The following LRIG1 variants were observed in gnomAD, a reference collection of about 807,000 sequenced individuals.
The protein encoded by LRIG1 is leucine rich repeats and immunoglobulin like domains 1, also known as leucine-rich repeats and immunoglobulin-like domains protein 1.
Under a neutral mutation model 99.2 loss-of-function variants are expected in LRIG1, and 48 were observed. That is an observed-to-expected ratio of 0.48 (90% CI 0.38 to 0.62). LRIG1 has a LOEUF of 0.62. LRIG1 is among the 20% of genes least tolerant of loss of function. The pLI is 0.00. For missense variants in LRIG1, 1,646 were observed against 1,434.4 expected, an observed-to-expected ratio of 1.15 and a Z score of -2.38; for synonymous variants, 772 against 596.1, an observed-to-expected ratio of 1.29 and a Z score of -4.30.
intron 13 of LRIG1, among the ~76,000 whole-genome samples, chr3:66,384,845 T>C (rs1701288248): frequency 6.6e-6 from 1 of 152,042 alleles, no homozygotes; most frequent in Non-Finnish European, 1.5e-5. Context: ...CCTGACAGAG[T>C]GGGACGCATC....
chr3:66,401,969 T>G (rs1222765284), intron 9 of LRIG1, among the ~76,000 whole-genome samples: 11 of 152,128 alleles, frequency 7.2e-5, no homozygotes, highest in Non-Finnish European at 5.9e-5. Context: ...CCGCGACATG[T>G]GCACTAGCCC....
At chr3:66,414,529 G>C (rs528511736) in intron 5 of LRIG1, among the ~76,000 whole-genome samples, 64 of 152,264 alleles carry the variant, frequency 4.2e-4, no homozygotes, top group African/African-American at 1.5e-3. Context: ...AACTGTTCAA[G>C]AAGTGTCGGA....
intron 1 of LRIG1, among the ~76,000 whole-genome samples, chr3:66,483,157 C>A (rs1416139578): frequency 6.6e-6 from 1 of 152,080 alleles, no homozygotes; most frequent in African/African-American, 2.4e-5. Flanking sequence ...TCCAAGATCT[C>A]GATAGCCATT....
rs373633320 is a variant in LRIG1 at position 66,383,446 on chromosome 3, T to C, written c.2072-45A>G. ...ATCTTAGTCATTCTCAGGGCCTCCG[T>C]TGCTCTGGCTCTGCCCGGTCTTCTG... On this transcript the variant is annotated intron_variant, in intron 14 of 18. Transcript: ENST00000273261. 98 of 1,483,522 alleles carry C rather than the reference T, an allele frequency of 6.6e-5. No individual in the cohort carries two copies. In the African/African-American group the frequency reaches 1.3e-3, roughly 20 times the overall value. The allele number at this position is 1,483,522 out of a possible 1,614,324, so 91.9% of individuals were successfully genotyped here.
chr3:66,383,777 A>G (rs1701225059), intron 14 of LRIG1, among the ~76,000 whole-genome samples: 1 of 152,164 alleles, frequency 6.6e-6, no homozygotes. Context: ...GCTAAACCCT[A>G]TGAAGACTCT....
chr3:66,458,478 A>C (rs1185172852), intron 2 of LRIG1, among the ~76,000 whole-genome samples: 2 of 151,884 alleles, frequency 1.3e-5, no homozygotes, highest in African/African-American at 2.4e-5. Context: ...CAAGGCAGGC[A>C]GATCACATGA....
At chr3:66,494,120 G>A (rs544120508) in intron 1 of LRIG1, among the ~76,000 whole-genome samples, 18 of 152,236 alleles carry the variant, frequency 1.2e-4, no homozygotes, top group Admixed American at 8.5e-4. Context: ...TTGTGCTCCA[G>A]AATCATCATA....
chr3:66,413,875 C>A (rs762078959), intron 5 of LRIG1, among the ~76,000 whole-genome samples: 20 of 152,178 alleles, frequency 1.3e-4, no homozygotes, highest in Non-Finnish European at 2.4e-4. Flanking sequence ...TGCCGCCAAC[C>A]TGGCCCTCGA....
At chr3:66,434,950 G>T (rs1215135169) in intron 3 of LRIG1, among the ~76,000 whole-genome samples, 1 of 152,046 alleles carries the variant, frequency 6.6e-6, no homozygotes, top group Non-Finnish European at 1.5e-5. Flanking sequence ...CCAGAGAAGT[G>T]AAAATTTATG....
chr3:66,448,934 A>G (rs1051394737), intron 3 of LRIG1, among the ~76,000 whole-genome samples: 1 of 152,200 alleles, frequency 6.6e-6, no homozygotes, highest in Non-Finnish European at 1.5e-5. Flanking sequence ...TGCCTACTAA[A>G]TATTTACAGA....
At chr3:66,402,438 GA>G (rs1353726750) in intron 9 of LRIG1, among the ~76,000 whole-genome samples, 3 of 152,176 alleles carry the variant, frequency 2.0e-5, no homozygotes, top group Non-Finnish European at 4.4e-5. Flanking sequence ...GCGTAAGCTG[GA>G]AAAATTAAGG....
chr3:66,472,490 C>G (rs1274733412), intron 1 of LRIG1, among the ~76,000 whole-genome samples: 6 of 152,132 alleles, frequency 3.9e-5, no homozygotes, highest in Admixed American at 1.3e-4. Context: ...TGAAATGATT[C>G]ACCACTTAAC....
chr3:66,490,498 A>C (rs1701077618), intron 1 of LRIG1, among the ~76,000 whole-genome samples: 1 of 152,234 alleles, frequency 6.6e-6, no homozygotes, highest in Non-Finnish European at 1.5e-5. Context: ...ATTAAAAATA[A>C]AACGAAAACT....
At chr3:66,425,657 T>C (rs1195195443) in intron 3 of LRIG1, among the ~76,000 whole-genome samples, 5 of 152,204 alleles carry the variant, frequency 3.3e-5, no homozygotes, top group Non-Finnish European at 5.9e-5. Context: ...CAGCGCAGCC[T>C]TTCTCTGCAA....
At chr3:66,460,452 C>T (rs77854411) in intron 2 of LRIG1, among the ~76,000 whole-genome samples, 1,687 of 152,260 alleles carry the variant, frequency 0.011, 21 homozygotes, top group African/African-American at 0.039. Flanking sequence ...CCTAGTACCT[C>T]AGCATGTGAC....
chr3:66,405,627 T>C, intron 8 of LRIG1: 4 of 768,352 alleles, frequency 5.2e-6, no homozygotes, highest in Non-Finnish European at 7.1e-6. Context: ...ACCCAAAAGG[T>C]TCCTTAAGGC....
intron 1 of LRIG1, among the ~76,000 whole-genome samples, chr3:66,493,851 AAG>A (rs1241697555): frequency 1.3e-5 from 2 of 151,040 alleles, no homozygotes; most frequent in Non-Finnish European, 2.9e-5. Flanking sequence ...GAGAGAGAGA[AAG>A]AGAAAGAAAG....
At chr3:66,465,505 A>C (rs1251839049) in intron 1 of LRIG1, among the ~76,000 whole-genome samples, 1 of 151,574 alleles carries the variant, frequency 6.6e-6, no homozygotes, top group African/African-American at 2.4e-5. Flanking sequence ...CTGGGATTAC[A>C]GGTGCCTGCC....
chr3:66,405,193 C>A lies in LRIG1; in HGVS notation c.1160+5G>T, dbSNP rs571628905. 5.0e-6 allele frequency: 8 copies of A among 1,613,782 alleles called. No individual in the cohort carries two copies. In the East Asian group the frequency reaches 1.8e-4, roughly 36 times the overall value. The stretch of plus-strand genomic sequence containing the variant: ...CCGGCGGAGCTCCGTGCGGCGGATA[C>A]TCACAGCTTGCTGAGGCTGTCGAGC... On this transcript the variant is annotated splice_donor_5th_base_variant and intron_variant, in intron 9 of 18. Coordinates refer to ENST00000273261, the MANE Select transcript of LRIG1 (RefSeq NM_015541.3).
Sources: gnomAD v4.1 joint callset for allele counts (sites outside exome capture counted in the v4.1 genomes callset) on GRCh38, gnomAD v4.1.1 for gene constraint, MANE v1.5 for transcripts, NCBI Gene and HGNC (gene_info 2026-07-23, HGNC 2026-07-21) for gene names.